SPMIP7: variants seen among roughly 807,000 people sequenced by gnomAD.
SPMIP7 encodes the protein sperm microtubule inner protein 7.
At chr7:50,127,377 C>T in the SPMIP7 span, among the ~76,000 whole-genome samples, 2 of 151,394 alleles carry the variant, frequency 1.3e-5, no homozygotes, top group African/African-American at 4.9e-5. Flanking sequence ...ACCTCAAAAG[C>T]ACAGTCAACA....
chr7:50,116,164 G>A, the SPMIP7 span, among the ~76,000 whole-genome samples: 1 of 152,110 alleles, frequency 6.6e-6, no homozygotes, highest in Admixed American at 6.6e-5. Flanking sequence ...CACCCAGGCT[G>A]GAGTGTAGTG....
chr7:50,141,109 C>G, the SPMIP7 span, among the ~76,000 whole-genome samples: 1 of 152,168 alleles, frequency 6.6e-6, no homozygotes, highest in African/African-American at 2.4e-5. Flanking sequence ...AGAAAATTAT[C>G]TTTATATTTT....
At chr7:50,135,577 C>G in the SPMIP7 span, among the ~76,000 whole-genome samples, 4 of 152,148 alleles carry the variant, frequency 2.6e-5, no homozygotes, top group Admixed American at 6.5e-5. Context: ...ATGATTTCAT[C>G]TAGCTAATTT....
At chr7:50,107,988 G>A in the SPMIP7 span, among the ~76,000 whole-genome samples, 3 of 152,188 alleles carry the variant, frequency 2.0e-5, no homozygotes, top group South Asian at 6.2e-4. Context: ...GGACGTCAGT[G>A]CCATATTTTG....
At chr7:50,145,844 A>G in the SPMIP7 span, among the ~76,000 whole-genome samples, 1 of 151,234 alleles carries the variant, frequency 6.6e-6, no homozygotes, top group Non-Finnish European at 1.5e-5. Flanking sequence ...TTTCCAAACT[A>G]GGCAGCTGCC....
At chr7:50,110,129 G>A in the SPMIP7 span, among the ~76,000 whole-genome samples, 7 of 151,712 alleles carry the variant, frequency 4.6e-5, no homozygotes, top group Non-Finnish European at 1.0e-4. Context: ...TAATTATGTG[G>A]TAAAATGAAA....
chr7:50,136,900 ATATGACATAGTCTGTG>A, the SPMIP7 span, among the ~76,000 whole-genome samples: 1 of 152,212 alleles, frequency 6.6e-6, no homozygotes, highest in Admixed American at 6.5e-5. Flanking sequence ...ATGTATAAGA[ATATGACATAGTCTGTG>A]TGTATGCTCC....
the SPMIP7 span, chr7:50,096,268 C>T: frequency 1.2e-5 from 18 of 1,551,490 alleles, no homozygotes; most frequent in Non-Finnish European, 1.6e-5. Flanking sequence ...AGAAATGCAA[C>T]CCTGCTTTTC....
At chr7:50,135,628 T>C in the SPMIP7 span, among the ~76,000 whole-genome samples, 1 of 152,220 alleles carries the variant, frequency 6.6e-6, no homozygotes, top group Non-Finnish European at 1.5e-5. Context: ...TTTATACCTG[T>C]GAAAGTTGGT....
At chr7:50,104,474 T>TAC in the SPMIP7 span, 2 of 545,660 alleles carry the variant, frequency 3.7e-6, no homozygotes, top group South Asian at 4.8e-5. Flanking sequence ...TATATATATA[T>TAC]AATTAGTTTA....
the SPMIP7 span, among the ~76,000 whole-genome samples, chr7:50,147,164 A>G: frequency 2.0e-5 from 3 of 152,236 alleles, no homozygotes; most frequent in Admixed American, 6.5e-5. Context: ...AGTCAGCTTG[A>G]TGTCTGCCTA....
the SPMIP7 span, among the ~76,000 whole-genome samples, chr7:50,112,023 T>G: frequency 6.6e-6 from 1 of 152,162 alleles, no homozygotes; most frequent in Non-Finnish European, 1.5e-5. Context: ...CCTTTGAGAT[T>G]ATAAAGGTCT....
the SPMIP7 span, among the ~76,000 whole-genome samples, chr7:50,137,664 G>A: frequency 6.6e-6 from 1 of 152,124 alleles, no homozygotes; most frequent in East Asian, 1.9e-4. Flanking sequence ...GCACATCACA[G>A]CCAGTGTTTA....
At chr7:50,117,801 C>T in the SPMIP7 span, among the ~76,000 whole-genome samples, 5 of 152,156 alleles carry the variant, frequency 3.3e-5, no homozygotes, top group African/African-American at 1.2e-4. Flanking sequence ...GTACATATAG[C>T]TAAAGACATG....
the SPMIP7 span, chr7:50,151,636 A>G: frequency 1.0e-6 from 1 of 956,488 alleles, no homozygotes; most frequent in Non-Finnish European, 1.5e-6. Flanking sequence ...CCATTAAAGA[A>G]CAATTAAATA....
chr7:50,124,405 A>T, the SPMIP7 span, among the ~76,000 whole-genome samples: 1 of 152,176 alleles, frequency 6.6e-6, no homozygotes, highest in African/African-American at 2.4e-5. Context: ...TATTTATGGA[A>T]CACTACACCA....
At chr7:50,129,388 A>C in the SPMIP7 span, among the ~76,000 whole-genome samples, 1 of 152,098 alleles carries the variant, frequency 6.6e-6, no homozygotes, top group Non-Finnish European at 1.5e-5. Flanking sequence ...TTAGAAGAAA[A>C]GACAATACGT....
At chr7:50,102,469 C>T in the SPMIP7 span, among the ~76,000 whole-genome samples, 1 of 152,120 alleles carries the variant, frequency 6.6e-6, no homozygotes, top group African/African-American at 2.4e-5. Context: ...GCACTGTCAG[C>T]CAGGGACTCT....
chr7:50,141,387 C>G, the SPMIP7 span: 70 of 1,514,714 alleles, frequency 4.6e-5, no homozygotes, highest in Non-Finnish European at 4.9e-5. Flanking sequence ...AAACACAAGT[C>G]GGTGAGTTCC....
Sources: gnomAD v4.1 joint callset for allele counts (sites outside exome capture counted in the v4.1 genomes callset) on GRCh38, gnomAD v4.1.1 for gene constraint, MANE v1.5 for transcripts, NCBI Gene and HGNC (gene_info 2026-07-23, HGNC 2026-07-21) for gene names.